ENSA: variants seen among roughly 807,000 people sequenced by gnomAD.
The protein encoded by ENSA is alpha-endosulfine.
ENSA carries 7 observed loss-of-function variants against 16.8 expected under a neutral mutation model. The ratio of observed to expected loss-of-function variants is 0.42; its 90% CI spans 0.24 to 0.78. ENSA has a LOEUF of 0.78. ENSA is among the 30% of genes least tolerant of loss of function. ENSA has a pLI of 0.29. For missense variants in ENSA, 87 were observed against 142.3 expected (o/e 0.61, Z 1.98); for synonymous variants, 58 against 53.4 (o/e 1.09, Z -0.37).
chr1:150,628,449 T>C (rs943549879), intron 1 of ENSA, among the ~76,000 whole-genome samples: 3 of 150,454 alleles, frequency 2.0e-5, no homozygotes, highest in African/African-American at 7.3e-5. Context: ...ATCAAAAAAA[T>C]CAATACCTAC....
rs1204849296 is a variant in ENSA at position 150,622,512 on chromosome 1, G to GT, written c.*331dup. The GT allele has an allele frequency of 2.9e-6, 1 of 341,108 alleles. No homozygotes were observed. The highest frequency in any genetic ancestry group is 2.1e-5 in the African/African-American group (1 of 47,360). The allele number at this position is 341,108 out of a possible 1,614,324, so 21.1% of individuals were successfully genotyped here. On this transcript the variant is annotated 3_prime_UTR_variant, in exon 4 of 4. Transcript: ENST00000369014. ...GTGGTTAAGAAGGATAGTCAGGAATGTTTTTACCAACTCCAAGCCCTAATT... is the reference window on the plus strand; with the variant it reads ...GTGGTTAAGAAGGATAGTCAGGAATGTTTTTTACCAACTCCAAGCCCTAATT...
rs1196930607 is a variant in ENSA at position 150,622,799 on chromosome 1, C to T, written c.*45G>A. ...GAGCCAGCACAGGACCCGGGTGGGG[C>T]AGGGAGGGGAAGCGTCTCAGGATCT... On this transcript the variant is annotated 3_prime_UTR_variant, in exon 4 of 4. Transcript: ENST00000369014. The T allele has an allele frequency of 1.9e-6, 3 of 1,552,934 alleles. No individual in the cohort carries two copies. The South Asian group carries it at 3.6e-5, about 18-fold the overall frequency.
downstream of ENSA, chr1:150,621,438 T>A (rs1044013287): frequency 5.3e-5 from 8 of 152,272 alleles, no homozygotes; most frequent in African/African-American, 1.9e-4. Flanking sequence ...CACGCCCGGC[T>A]AATTTTTGTA....
chr1:150,622,911 G>A, intron 3 of ENSA, 52 bp from the exon 4 acceptor site: 6 of 1,535,064 alleles, frequency 3.9e-6, no homozygotes, highest in South Asian at 3.7e-5. Flanking sequence ...TCAAGTAATA[G>A]GGGAAAAAAA....
intron 2 of ENSA, among the ~76,000 whole-genome samples, chr1:150,626,864 G>A (rs988774245): frequency 1.3e-5 from 2 of 152,082 alleles, no homozygotes; most frequent in African/African-American, 4.8e-5. Flanking sequence ...TTTAAAAAAC[G>A]ATAATATAAT....
At chr1:150,629,331 C>G in intron 1 of ENSA, 83 bp downstream of exon 1, 1 of 1,559,242 alleles carries the variant, frequency 6.4e-7, no homozygotes, top group Non-Finnish European at 8.7e-7. Context: ...GAGACCATGG[C>G]GACCAATCCG....
intron 3 of ENSA, chr1:150,625,240 C>T: frequency 1.0e-6 from 1 of 991,248 alleles, no homozygotes; most frequent in Non-Finnish European, 1.2e-6. Flanking sequence ...TTCAATCTAC[C>T]TTTCCCAACT....
intron 3 of ENSA, chr1:150,623,343 G>A (rs1327809240): frequency 2.0e-6 from 2 of 986,400 alleles, no homozygotes; most frequent in Non-Finnish European, 2.4e-6. Flanking sequence ...ATTTTGGAAT[G>A]ACCACTCCTT....
rs1490211203 is a variant in ENSA at position 150,622,754 on chromosome 1, G to A, written c.*90C>T. ...CCGAGCCACCTCCTGACCCCTGGCT[G>A]CAAAAGCAGGAAGGGGCAGGAGCCA... On this transcript the variant is annotated 3_prime_UTR_variant, in exon 4 of 4. Coordinates refer to ENST00000369014, the MANE Select transcript of ENSA (RefSeq NM_004436.4). 3.5e-6 allele frequency: 5 copies of A among 1,446,798 alleles called. No homozygotes were observed. The highest frequency in any genetic ancestry group is 4.7e-6 in the Non-Finnish European group (5 of 1,073,758). 89.6% of individuals were successfully genotyped at this position (1,446,798 alleles called of 1,614,324 possible).
intron 3 of ENSA, chr1:150,624,607 C>CTA (rs972325563): frequency 1.0e-6 from 1 of 985,658 alleles, no homozygotes; most frequent in Non-Finnish European, 1.2e-6. Context: ...ACTGTGATAT[C>CTA]TATAAGGTTC....
chr1:150,621,774 T>C (rs1395757496), downstream of ENSA: 1 of 152,196 alleles, frequency 6.6e-6, no homozygotes, highest in Non-Finnish European at 1.5e-5. Context: ...TTCTTTTGGT[T>C]TGTCACATTT....
At position 150,627,452 on chromosome 1, in the gene ENSA, G is replaced by T. The variant is rs929956795; in HGVS notation, c.183+15C>A. 3.1e-6 allele frequency: 5 copies of T among 1,614,142 alleles called. No individual in the cohort carries two copies. The African/African-American group carries it at 4.0e-5, about 13-fold the overall frequency. On this transcript the variant is annotated intron_variant, in intron 2 of 3. Transcript: ENST00000369014. Reference sequence around the variant, plus strand: ...TTAGCTCCAAAGAAAGAGGGTAAGAGACTATGCCCCATACCCCTTTCTGGA... The same window carrying T: ...TTAGCTCCAAAGAAAGAGGGTAAGATACTATGCCCCATACCCCTTTCTGGA...
chr1:150,622,976 T>G, intron 3 of ENSA, 117 bp from the exon 4 acceptor site: 1 of 1,316,840 alleles, frequency 7.6e-7, no homozygotes, highest in Non-Finnish European at 1.0e-6. Context: ...TAACAACCAT[T>G]AGGCTACCTG....
intron 3 of ENSA, chr1:150,623,984 G>A (rs1315492925): frequency 2.0e-6 from 2 of 985,138 alleles, no homozygotes; most frequent in African/African-American, 3.5e-5. Flanking sequence ...ATTCTCATTG[G>A]GCCAAATGTT....
chr1:150,621,275 TATTC>T (rs1203623262), downstream of ENSA: 2 of 152,180 alleles, frequency 1.3e-5, no homozygotes, highest in African/African-American at 4.8e-5. Context: ...TGTTTTATTT[TATTC>T]ATTTATTTTT....
chr1:150,629,074 T>C (rs1262133448), intron 1 of ENSA: 2 of 1,613,878 alleles, frequency 1.2e-6, no homozygotes, highest in South Asian at 1.1e-5. Flanking sequence ...TACAAACCAA[T>C]AACACACATC....
chr1:150,624,103 T>C lies in ENSA; in HGVS notation c.351-1244A>G, dbSNP rs1209504544. ...CTCTGTCATAACTAGCAAGTTGCGT[T>C]CAATAAAATTCTAGCCAAGCTGGTG... is the stretch of plus-strand genomic sequence containing the variant. On this transcript the variant is annotated intron_variant, in intron 3 of 3. Transcript: ENST00000369014. The C allele has an allele frequency of 3.0e-6, 3 of 985,338 alleles. No individual in the cohort carries two copies. The East Asian group carries it at 3.4e-4, about 112-fold the overall frequency. The allele number at this position is 985,338 out of a possible 1,614,324, so 61.0% of individuals were successfully genotyped here. A position where few individuals can be genotyped will look rare whatever the true frequency, so the allele number is the denominator to read the frequency against.
downstream of ENSA, chr1:150,621,842 G>A (rs1160080073): frequency 6.6e-6 from 1 of 152,146 alleles, no homozygotes; most frequent in Non-Finnish European, 1.5e-5. Context: ...AAAGGAGACT[G>A]GGCCTCCTTT....
chr1:150,627,493 A>T lies in ENSA; in HGVS notation c.157T>A (p.Phe53Ile), dbSNP rs1250697777. ...CCTTTCTGGAGTCTCTTCATGAGGA[A>T]GTCGGAGCCTCCAGGCTTTTGTCCT... ...SLGQKPGGSDFLMKRLQKGQK... is the reference protein window; with the variant it reads ...SLGQKPGGSDILMKRLQKGQK... The change falls in exon 2 of 4, where the codon TTC (phenylalanine) becomes ATC (isoleucine). Residue 53 changes from phenylalanine (F) to isoleucine (I), a missense_variant. Transcript: ENST00000369014. 6.2e-7 allele frequency: 1 copy of T among 1,614,114 alleles called. No homozygotes were observed. Among genetic ancestry groups the T allele is most frequent in the African/African-American group, 1.3e-5 (1 of 74,948 alleles).
Sources: allele counts gnomAD v4.1 joint callset (sites outside exome capture counted in the v4.1 genomes callset), GRCh38; gene constraint gnomAD v4.1.1; transcripts MANE v1.5; gene names NCBI Gene and HGNC (gene_info 2026-07-23, HGNC 2026-07-21).